The following CHD6 variants were observed in gnomAD, a reference collection of about 807,000 sequenced individuals.
CHD6 encodes the protein chromodomain helicase DNA binding protein 6.
A neutral mutation model predicts 276.9 loss-of-function variants in CHD6; 50 were observed. That is an observed-to-expected ratio of 0.18 (90% CI 0.14 to 0.23). The LOEUF (loss-of-function observed/expected upper bound fraction) is 0.23, where lower values mean the gene tolerates loss of function less well. Among genes scored for constraint, CHD6 ranks in the 10% least tolerant of loss-of-function variants. The pLI, the probability that CHD6 is intolerant of heterozygous loss-of-function variation, is 1.00. For synonymous variants in CHD6, 1,173 were observed against 1,229.3 expected (o/e 0.95, Z 0.96); for missense variants, 2,564 against 3,365.8 (o/e 0.76, Z 5.89).
At chr20:41,433,472 A>C (rs766487059) in intron 27 of CHD6, among the ~76,000 whole-genome samples, 6 of 152,316 alleles carry the variant, frequency 3.9e-5, no homozygotes, top group Non-Finnish European at 8.8e-5. Flanking sequence ...AGCTGAAAGA[A>C]AAAAACTATC....
chr20:41,473,225 T>C lies in CHD6; in HGVS notation c.2664+97A>G, dbSNP rs1314442757. 44 of 1,141,878 alleles carry C rather than the reference T, an allele frequency of 3.9e-5. 1 individual carries two copies. The South Asian group carries it at 4.3e-4, about 11-fold the overall frequency. The allele number at this position is 1,141,878 out of a possible 1,614,324, so 70.7% of individuals were successfully genotyped here. On this transcript the variant is annotated intron_variant, in intron 17 of 36. Coordinates refer to ENST00000373233, the MANE Select transcript of CHD6 (RefSeq NM_032221.5). This position sits in a 1 kb window ranked among gnomAD's most constrained non-coding sequence, Gnocchi z 4.1. ...CTGTCATCCAGCTGACACCATAGCATAGAGCATCACGGATGCTCTGTAGCC... is the reference window on the plus strand; with the variant it reads ...CTGTCATCCAGCTGACACCATAGCACAGAGCATCACGGATGCTCTGTAGCC...
At position 41,424,767 on chromosome 20, in the gene CHD6, C is replaced by T. The variant is rs147555524; in HGVS notation, c.4346+411G>A. Among the ~76,000 whole-genome samples, 198 of 152,224 alleles carry T rather than the reference C, an allele frequency of 1.3e-3. 1 individual carries two copies. The East Asian group carries it at 0.025, about 19-fold the overall frequency. On this transcript the variant is annotated intron_variant, in intron 29 of 36. Transcript: ENST00000373233. ...TCTTTCCTTCTGGGCTTGTATTTTA[C>T]GGTATTTATTGCCCTGGAAGGCTTG...
rs367598927 is a variant in CHD6 at position 41,530,264 on chromosome 20, T to TACC, written c.554+2783_554+2785dup. 9.7e-4 allele frequency among the ~76,000 whole-genome samples: 147 copies of TACC among 152,210 alleles called. 1 individual carries two copies. Among genetic ancestry groups the TACC allele is most frequent in the African/African-American group, 2.9e-3 (120 of 41,502 alleles). On this transcript the variant is annotated intron_variant, in intron 3 of 36. Coordinates refer to ENST00000373233, the MANE Select transcript of CHD6 (RefSeq NM_032221.5). ...AAAAGGGAGAAAAGGCGATCTGATT[T>TACC]ACCACCACCACCACCACTGTTGCCA...
rs573542686 is a variant in CHD6, at chr20:41,603,586, C to A, written c.-24+14754G>T. Among the ~76,000 whole-genome samples, 12 of 152,208 alleles carry A rather than the reference C, an allele frequency of 7.9e-5. No homozygotes were observed. The East Asian group carries it at 2.3e-3, about 30-fold the overall frequency. On this transcript the variant is annotated intron_variant, in intron 1 of 36. Transcript: ENST00000373233. ...TTGAATTTAAAAAATTCATTTTGGG[C>A]TGGGCACGGTGGCTCACGCCTGTAA... is the stretch of plus-strand genomic sequence containing the variant.
intron 1 of CHD6, among the ~76,000 whole-genome samples, chr20:41,556,023 G>T (rs1431960191): frequency 1.3e-5 from 2 of 152,256 alleles, no homozygotes; most frequent in Admixed American, 6.5e-5. Context: ...GCCGAGGCTG[G>T]CGGATCACTC....
rs1600771347 is a variant in CHD6, at chr20:41,403,382, T to C, written c.*1211A>G. The C allele has an allele frequency of 1.1e-5, 12 of 1,063,044 alleles. No homozygotes were observed. In the East Asian group the frequency reaches 6.1e-4, roughly 54 times the overall value. 65.9% of individuals were successfully genotyped at this position (1,063,044 alleles called of 1,614,324 possible). A position where few individuals can be genotyped will look rare whatever the true frequency, so the allele number is the denominator to read the frequency against. ...TGAAAGGACATGGGGAAGTGCTGCTTAGGCAGTTTCTTTCTCAGTTCCTAA... is the reference window on the plus strand; with the variant it reads ...TGAAAGGACATGGGGAAGTGCTGCTCAGGCAGTTTCTTTCTCAGTTCCTAA... On this transcript the variant is annotated 3_prime_UTR_variant, in exon 37 of 37. Coordinates refer to ENST00000373233, the MANE Select transcript of CHD6 (RefSeq NM_032221.5).
chr20:41,514,152 TC>T (rs1462548859), intron 4 of CHD6, among the ~76,000 whole-genome samples: 2 of 152,210 alleles, frequency 1.3e-5, no homozygotes, highest in Non-Finnish European at 2.9e-5. Flanking sequence ...GTCCAGATGA[TC>T]CTGGAAGGTA....
intron 3 of CHD6, among the ~76,000 whole-genome samples, chr20:41,523,302 CA>C (rs2044448897): frequency 6.6e-6 from 1 of 152,126 alleles, no homozygotes. Flanking sequence ...TGAATCAAAG[CA>C]ATCTTATTTC....
intron 24 of CHD6, among the ~76,000 whole-genome samples, chr20:41,447,388 T>C (rs965857585): frequency 3.3e-5 from 5 of 152,238 alleles, no homozygotes; most frequent in African/African-American, 9.6e-5. Context: ...CTTGGAAATC[T>C]TGGGATACTC....
chr20:41,489,141 G>A (rs1266001462), intron 12 of CHD6, among the ~76,000 whole-genome samples: 1 of 152,164 alleles, frequency 6.6e-6, no homozygotes, highest in Non-Finnish European at 1.5e-5. Context: ...GAGCAGAGCT[G>A]CATCATGTTA....
intron 16 of CHD6, among the ~76,000 whole-genome samples, chr20:41,478,047 A>G (rs1403578223): frequency 1.3e-5 from 2 of 152,216 alleles, no homozygotes; most frequent in Non-Finnish European, 2.9e-5. Flanking sequence ...AAATACAGTC[A>G]AGTTTCCACC....
intron 3 of CHD6, among the ~76,000 whole-genome samples, chr20:41,525,087 T>C (rs1472950972): frequency 6.6e-6 from 1 of 152,200 alleles, no homozygotes; most frequent in Non-Finnish European, 1.5e-5. Flanking sequence ...CCGAGTAAAC[T>C]GCTTTCTCTA....
intron 31 of CHD6, among the ~76,000 whole-genome samples, chr20:41,419,953 A>G (rs1453152241): frequency 6.6e-6 from 1 of 152,172 alleles, no homozygotes; most frequent in Non-Finnish European, 1.5e-5. Context: ...TATTTTCTTC[A>G]TTGTTGTAAA....
chr20:41,538,045 T>C (rs2044869939), intron 2 of CHD6, among the ~76,000 whole-genome samples: 5 of 152,202 alleles, frequency 3.3e-5, no homozygotes, highest in Admixed American at 3.3e-4. Context: ...GGCATATTAT[T>C]CAGCCATAAA....
At chr20:41,466,947 C>A (rs2042934425) in intron 17 of CHD6, among the ~76,000 whole-genome samples, 1 of 152,152 alleles carries the variant, frequency 6.6e-6, no homozygotes, top group Non-Finnish European at 1.5e-5. Flanking sequence ...ACCAACATGC[C>A]TGCTTTCCTT....
chr20:41,608,947 A>G (rs748468341), intron 1 of CHD6, among the ~76,000 whole-genome samples: 1 of 152,220 alleles, frequency 6.6e-6, no homozygotes, highest in African/African-American at 2.4e-5. Flanking sequence ...AAATGGACAG[A>G]GTGTGGTTAT....
rs2045236439 is a variant in CHD6, at chr20:41,556,318, G to GAGGGAA, written c.-23-4959_-23-4958insTTCCCT. On this transcript the variant is annotated intron_variant, in intron 1 of 36. Coordinates refer to ENST00000373233, the MANE Select transcript of CHD6 (RefSeq NM_032221.5). The stretch of plus-strand genomic sequence containing the variant: ...AGACCGTGGGGAGACGGGAGAGGGA[G>GAGGGAA]AGGGCACCTTTTTTTTTTTTTTTTT... Among the ~76,000 whole-genome samples the GAGGGAA allele has an allele frequency of 2.1e-5, 3 of 142,172 alleles. 1 individual carries two copies. Among genetic ancestry groups the GAGGGAA allele is most frequent in the Admixed American group, 2.1e-4 (3 of 14,360 alleles). The allele number at this position is 142,172 out of a possible 152,430, so 93.3% of individuals were successfully genotyped here.
At chr20:41,440,544 G>A (rs1467942094) in intron 25 of CHD6, among the ~76,000 whole-genome samples, 1 of 152,140 alleles carries the variant, frequency 6.6e-6, no homozygotes, top group African/African-American at 2.4e-5. Flanking sequence ...ATGGATGGCA[G>A]GACTGAAATA....
chr20:41,593,610 T>G (rs2045687063), intron 1 of CHD6, among the ~76,000 whole-genome samples: 1 of 152,202 alleles, frequency 6.6e-6, no homozygotes, highest in African/African-American at 2.4e-5. Flanking sequence ...TGTTATAAGC[T>G]GCAGTGTCTG....
Sources: gnomAD v4.1 joint callset for allele counts (sites outside exome capture counted in the v4.1 genomes callset) on GRCh38, gnomAD v4.1.1 for gene constraint, Gnocchi (gnomAD v3.1) non-coding constraint, MANE v1.5 for transcripts, NCBI Gene and HGNC (gene_info 2026-07-23, HGNC 2026-07-21) for gene names.